ELOVL2: variants seen among roughly 807,000 people sequenced by gnomAD.
ELOVL2 encodes the protein ELOVL fatty acid elongase 2.
Under a neutral mutation model 37.7 loss-of-function variants are expected in ELOVL2, and 38 were observed. The ratio of observed to expected loss-of-function variants is 1.01; its 90% confidence interval spans 0.78 to 1.32. The LOEUF is 1.32. ELOVL2 is among the 40% of genes most tolerant of loss of function. ELOVL2 has a pLI of 0.00. For missense variants in ELOVL2, 352 were observed against 363.6 expected, an observed-to-expected ratio of 0.97 and a Z score of 0.26; for synonymous variants, 115 against 122.3, an observed-to-expected ratio of 0.94 and a Z score of 0.40.
intron 1 of ELOVL2, among the ~76,000 whole-genome samples, chr6:11,036,538 G>C (rs762756099): frequency 5.3e-5 from 8 of 152,146 alleles, no homozygotes; most frequent in African/African-American, 1.9e-4. Context: ...TTTCGACTGC[G>C]TTGCCCCGGA....
chr6:10,990,997 A>C (rs1188724895), intron 5 of ELOVL2, among the ~76,000 whole-genome samples: 1 of 152,222 alleles, frequency 6.6e-6, no homozygotes, highest in East Asian at 1.9e-4. Context: ...GGAGTGGCGG[A>C]GAAACTGGCC....
At chr6:11,043,404 AACACACACACACAC>A (rs34656289) in intron 1 of ELOVL2, 6 of 115,012 alleles carry the variant, frequency 5.2e-5, no homozygotes, top group South Asian at 3.5e-4. Flanking sequence ...GACACGGGTG[AACACACACACACAC>A]ACACACACAC....
At position 11,022,131 on chromosome 6, in the gene ELOVL2, T is replaced by C. The variant is rs568135458; in HGVS notation, c.4-11322A>G. ...TAAGACACTGGGGGTGCCCTTGCAG[T>C]GCTTGTGATCTCTCTACCAGAACAG... On this transcript the variant is annotated intron_variant, in intron 1 of 7. Transcript: ENST00000354666. 2.0e-5 allele frequency among the ~76,000 whole-genome samples: 3 copies of C among 152,302 alleles called. 1 individual carries two copies. In the East Asian group the frequency reaches 5.8e-4, roughly 29 times the overall value.
rs538593964 is a variant in ELOVL2, at chr6:11,000,635, A to G, written c.256-471T>C. 2.6e-5 allele frequency among the ~76,000 whole-genome samples: 4 copies of G among 152,324 alleles called. No individual in the cohort carries two copies. In the East Asian group the frequency reaches 7.7e-4, roughly 29 times the overall value. On this transcript the variant is annotated intron_variant, in intron 3 of 7. Transcript: ENST00000354666. ...AAAAACAGGGTTCAGTAAGGTTCTTAAACCATTTTCTTCACTGTATTTATG... is the reference window on the plus strand; with the variant it reads ...AAAAACAGGGTTCAGTAAGGTTCTTGAACCATTTTCTTCACTGTATTTATG...
rs140358213 is a variant in ELOVL2, at chr6:11,029,921, A to C, written c.3+14307T>G. 5.9e-5 allele frequency among the ~76,000 whole-genome samples: 9 copies of C among 152,320 alleles called. 1 individual carries two copies. Among genetic ancestry groups the C allele is most frequent in the Admixed American group, 2.6e-4 (4 of 15,294 alleles). ...ATGCTCTCCTTATTCCTTTATGCTC[A>C]CTGCCCAGCTTGCCTCAGTTTCCCT... On this transcript the variant is annotated intron_variant, in intron 1 of 7. Transcript: ENST00000354666.
chr6:11,028,658 C>CT (rs141945821), intron 1 of ELOVL2, among the ~76,000 whole-genome samples: 12,206 of 151,782 alleles, frequency 0.08, 1,459 homozygotes, highest in African/African-American at 0.26. Context: ...AGTTGCCCCC[C>CT]ATCACTGATT....
intron 1 of ELOVL2, among the ~76,000 whole-genome samples, chr6:11,014,297 G>A (rs1782635164): frequency 6.6e-6 from 1 of 152,052 alleles, no homozygotes; most frequent in African/African-American, 2.4e-5. Context: ...TGGCCAACAT[G>A]GTGAAACCTC....
intron 2 of ELOVL2, among the ~76,000 whole-genome samples, chr6:11,007,941 T>C (rs752241569): frequency 5.3e-5 from 8 of 152,210 alleles, no homozygotes; most frequent in Non-Finnish European, 7.3e-5. Flanking sequence ...AGGATAATCA[T>C]AGTTGTTTTA....
intron 1 of ELOVL2, among the ~76,000 whole-genome samples, chr6:11,016,614 G>T (rs1782689425): frequency 6.6e-6 from 1 of 151,818 alleles, no homozygotes; most frequent in South Asian, 2.1e-4. Context: ...ACTGAGAGAA[G>T]AGGAGGTGTT....
At chr6:10,987,643 A>T (rs1222094297) in intron 7 of ELOVL2, among the ~76,000 whole-genome samples, 2 of 152,174 alleles carry the variant, frequency 1.3e-5, no homozygotes, top group East Asian at 1.9e-4. Flanking sequence ...TTAAAGATTA[A>T]AAATAAAGAC....
intron 4 of ELOVL2, among the ~76,000 whole-genome samples, chr6:10,998,393 GA>G (rs1482306447): frequency 2.0e-5 from 3 of 152,016 alleles, no homozygotes; most frequent in Non-Finnish European, 4.4e-5. Context: ...CATCGATTTG[GA>G]AATTCACATA....
At chr6:11,025,199 G>A (rs1782821938) in intron 1 of ELOVL2, among the ~76,000 whole-genome samples, 1 of 152,092 alleles carries the variant, frequency 6.6e-6, no homozygotes, top group African/African-American at 2.4e-5. Flanking sequence ...GCAGATTCAA[G>A]CCCTCCCCTC....
At position 10,993,857 on chromosome 6, in the gene ELOVL2, ATTTTTTTTTTTTTTT is replaced by A. The variant is rs530539525; in HGVS notation, c.505+1135_505+1149del. On this transcript the variant is annotated intron_variant, in intron 5 of 7. Transcript: ENST00000354666. ...AAGTGCACGTCACCACGCCCAGCTA[ATTTTTTTTTTTTTTT>A]TTTTTTTTTTTTTTGGTAGAGATGG... Among the ~76,000 whole-genome samples, 588 of 79,124 alleles carry A rather than the reference ATTTTTTTTTTTTTTT, an allele frequency of 7.4e-3. 5 individuals carry two copies. Among genetic ancestry groups the A allele is most frequent in the South Asian group, 0.069 (121 of 1,762 alleles). The allele number at this position is 79,124 out of a possible 152,430, so 51.9% of individuals were successfully genotyped here.
At chr6:10,996,617 C>T (rs1008354914) in intron 4 of ELOVL2, among the ~76,000 whole-genome samples, 1 of 151,702 alleles carries the variant, frequency 6.6e-6, no homozygotes, top group African/African-American at 2.4e-5. Flanking sequence ...TTGCAGTGAA[C>T]CGAGATCACG....
At chr6:11,041,890 G>C (rs1309789768) in intron 1 of ELOVL2, among the ~76,000 whole-genome samples, 1 of 152,136 alleles carries the variant, frequency 6.6e-6, no homozygotes, top group Non-Finnish European at 1.5e-5. Context: ...AACTAGCAGA[G>C]ATATCTTACA....
At chr6:10,984,125 C>G (rs1451570300) in intron 7 of ELOVL2, among the ~76,000 whole-genome samples, 1 of 152,208 alleles carries the variant, frequency 6.6e-6, no homozygotes, top group South Asian at 2.1e-4. Context: ...TCAAGTGATT[C>G]TCCTGCCTCA....
At chr6:11,002,306 G>A (rs1306558690) in intron 3 of ELOVL2, among the ~76,000 whole-genome samples, 3 of 152,278 alleles carry the variant, frequency 2.0e-5, no homozygotes, top group Admixed American at 6.5e-5. Flanking sequence ...ATCTACAGTC[G>A]AATCTGACAG....
chr6:10,989,684 A>C lies in ELOVL2; in HGVS notation c.765+19T>G. The C allele has an allele frequency of 1.9e-6, 3 of 1,611,148 alleles. No individual in the cohort carries two copies. In the African/African-American group the frequency reaches 4.0e-5, roughly 21 times the overall value. The stretch of plus-strand genomic sequence containing the variant: ...CCAATCGATTACATTTTACTGCTGA[A>C]TATTTACATTCCACGTACCTGAACG... On this transcript the variant is annotated intron_variant, in intron 7 of 7. Transcript: ENST00000354666.
At chr6:11,031,788 A>G (rs988232459) in intron 1 of ELOVL2, among the ~76,000 whole-genome samples, 6 of 151,962 alleles carry the variant, frequency 3.9e-5, no homozygotes, top group African/African-American at 1.5e-4. Flanking sequence ...CCAAAGCTTA[A>G]TTTTTCTTTA....
Sources: gnomAD v4.1 joint callset for allele counts (sites outside exome capture counted in the v4.1 genomes callset) on GRCh38, gnomAD v4.1.1 for gene constraint, MANE v1.5 for transcripts, NCBI Gene and HGNC (gene_info 2026-07-23, HGNC 2026-07-21) for gene names.